Variants in C2CD5 observed in about 807,000 individuals in gnomAD.
The protein encoded by C2CD5 is C2 calcium dependent domain containing 5, also known as C2 domain-containing protein 5.
In C2CD5, 109 loss-of-function variants were observed where a neutral mutation model predicts 130.3. The ratio of observed to expected loss-of-function variants is 0.84; its 90% CI spans 0.72 to 0.98. The LOEUF is 0.98. Ranked by LOEUF, C2CD5 falls within the 50% of genes least tolerant of loss-of-function variation. The probability of loss-of-function intolerance (pLI) is 0.00; values close to 1 mark genes in which losing one functional copy is unlikely to be tolerated. For missense variants in C2CD5, 996 were observed against 1,261.8 expected, an observed-to-expected ratio of 0.79 and a Z score of 3.19; for synonymous variants, 454 against 429.2, an observed-to-expected ratio of 1.06 and a Z score of -0.71.
In C2CD5 at chr12:22,527,743, A is replaced by T; in HGVS notation, c.327T>A (p.Phe109Leu). ...SEAATVISGWFPIYDTIHGIR... is the reference protein window; with the variant it reads ...SEAATVISGWLPIYDTIHGIR... ...TACCATGTATGGTGTCATAAATTGG[A>T]AACCATCCTGAGATGACTGTTGCAG... The change falls in exon 4 of 27, where the codon TTT becomes TTA. Residue 109 changes from phenylalanine to leucine, a missense_variant. Physicochemically the swap from Phe to Leu is conservative, Grantham distance 22 (BLOSUM62 0). This residue lies in a region of C2CD5 where 68 missense variants were observed against 154.5 expected (regional missense o/e 0.44). Coordinates refer to ENST00000446597, the MANE Select transcript of C2CD5 (RefSeq NM_001286176.2). The T allele has an allele frequency of 6.3e-7, 1 of 1,582,482 alleles. No individual in the cohort carries two copies. Among genetic ancestry groups the T allele is most frequent in the Non-Finnish European group, 8.6e-7 (1 of 1,161,428 alleles).
At chr12:22,495,589 G>A (rs1013795482) in intron 10 of C2CD5, among the ~76,000 whole-genome samples, 3 of 151,224 alleles carry the variant, frequency 2.0e-5, no homozygotes, top group Admixed American at 6.6e-5. Flanking sequence ...TGAATGCAGC[G>A]CAAGTGGAGC....
rs564364000 is a variant in C2CD5, at chr12:22,525,342, G to C, written c.445+268C>G. ...GACAGCACCATAGTGCTTAGCCGTA[G>C]TGTTCTGCTCCTTTCTTTTAGTGTC... On this transcript the variant is annotated intron_variant, in intron 5 of 26. Coordinates refer to ENST00000446597, the MANE Select transcript of C2CD5 (RefSeq NM_001286176.2). Among the ~76,000 whole-genome samples, 8 of 152,228 alleles carry C rather than the reference G, an allele frequency of 5.3e-5. No individual in the cohort carries two copies. In the East Asian group the frequency reaches 1.3e-3, roughly 26 times the overall value.
chr12:22,527,733 CAT>C lies in C2CD5; in HGVS notation c.335_336del (p.Tyr112Ter), dbSNP rs755966041. On this transcript the variant is annotated frameshift_variant, in exon 4 of 27. Transcript: ENST00000446597. LOFTEE classifies it high-confidence loss of function. ...ATVISGWFPI[Y>X]DTIHGIRGEI... ...TATTATTCCTTACCATGTATGGTGT[CAT>C]AAATTGGAAACCATCCTGAGATGAC... The C allele has an allele frequency of 9.0e-6, 14 of 1,559,744 alleles. No homozygotes were observed. The highest frequency in any genetic ancestry group is 1.1e-5 in the Non-Finnish European group (13 of 1,142,558).
chr12:22,495,616 C>T (rs1359013568), intron 10 of C2CD5, among the ~76,000 whole-genome samples: 1 of 150,314 alleles, frequency 6.7e-6, no homozygotes, highest in Non-Finnish European at 1.5e-5. Context: ...ATTCTTCTGA[C>T]AAATTCACAA....
chr12:22,542,303 C>T (rs1412203125), intron 2 of C2CD5, among the ~76,000 whole-genome samples: 1 of 152,188 alleles, frequency 6.6e-6, no homozygotes. Flanking sequence ...TTTGGGAGGC[C>T]GAAGCGGGAG....
At chr12:22,494,477 A>T (rs1464054777) in intron 10 of C2CD5, among the ~76,000 whole-genome samples, 1 of 152,126 alleles carries the variant, frequency 6.6e-6, no homozygotes, top group Admixed American at 6.6e-5. Context: ...AAGTAAAGAA[A>T]GGTTAAGAGG....
At chr12:22,528,196 T>C (rs1038529635) in intron 3 of C2CD5, among the ~76,000 whole-genome samples, 4 of 152,188 alleles carry the variant, frequency 2.6e-5, no homozygotes, top group African/African-American at 7.2e-5. Context: ...TTGCCTATGA[T>C]ACATAGCAAA....
intron 10 of C2CD5, among the ~76,000 whole-genome samples, chr12:22,499,352 G>A (rs117160018): frequency 6.6e-6 from 1 of 152,286 alleles, no homozygotes; most frequent in East Asian, 1.9e-4. Context: ...TGAAGCCAGA[G>A]TACTCAGGTA....
chr12:22,509,774 A>G (rs1383726117), intron 9 of C2CD5, among the ~76,000 whole-genome samples: 1 of 152,234 alleles, frequency 6.6e-6, no homozygotes, highest in African/African-American at 2.4e-5. Context: ...TTTATATGAA[A>G]AACTGAAGTC....
intron 2 of C2CD5, among the ~76,000 whole-genome samples, chr12:22,541,941 ACACT>A (rs781780272): frequency 6.6e-6 from 1 of 152,210 alleles, no homozygotes; most frequent in Non-Finnish European, 1.5e-5. Context: ...CAAACGGCAG[ACACT>A]CAATTTGTTC....
In C2CD5 at chr12:22,544,181, T is replaced by C. The variant is rs1355314863; in HGVS notation, c.-29-2A>G. On this transcript the variant is annotated splice_acceptor_variant, in intron 1 of 26. Transcript: ENST00000446597. LOFTEE classifies it low-confidence loss of function (5UTR_SPLICE). ...CGGTTTCGGCCTCTTCTTGGGCTCCTGCAGAAACAAACAAACGAGTCTGCG... is the reference window on the plus strand; with the variant it reads ...CGGTTTCGGCCTCTTCTTGGGCTCCCGCAGAAACAAACAAACGAGTCTGCG... 4 of 1,605,012 alleles carry C rather than the reference T, an allele frequency of 2.5e-6. No homozygotes were observed. The highest frequency in any genetic ancestry group is 2.2e-5 in the East Asian group (1 of 44,772).
At chr12:22,541,965 A>C (rs985537824) in intron 2 of C2CD5, among the ~76,000 whole-genome samples, 5 of 152,208 alleles carry the variant, frequency 3.3e-5, no homozygotes, top group Non-Finnish European at 7.3e-5. Context: ...CAAAGAAGGA[A>C]GTAATAAGTA....
chr12:22,476,499 A>G (rs1354271564), intron 15 of C2CD5, among the ~76,000 whole-genome samples: 1 of 152,146 alleles, frequency 6.6e-6, no homozygotes, highest in Non-Finnish European at 1.5e-5. Flanking sequence ...TAAAATCATA[A>G]TAGATTTACT....
At chr12:22,532,330 CAA>C (rs200592425) in intron 3 of C2CD5, among the ~76,000 whole-genome samples, 5 of 131,446 alleles carry the variant, frequency 3.8e-5, no homozygotes, top group Admixed American at 7.7e-5. Context: ...AACTCCGTCT[CAA>C]AAAAAAAAAA....
At chr12:22,517,871 T>C (rs547785424) in intron 8 of C2CD5, 115 bp downstream of exon 8, 2 of 808,184 alleles carry the variant, frequency 2.5e-6, no homozygotes, top group South Asian at 3.7e-5. Flanking sequence ...GTATTCACAT[T>C]TTCTTTTTAA....
At chr12:22,460,609 G>A (rs777369733) in intron 22 of C2CD5, 4 of 151,568 alleles carry the variant, frequency 2.6e-5, no homozygotes, top group South Asian at 2.1e-4. Context: ...CGGAGTTTTC[G>A]TCTTGTTGCC....
At chr12:22,450,724 C>T (rs919066726) in intron 26 of C2CD5, among the ~76,000 whole-genome samples, 19 of 152,096 alleles carry the variant, frequency 1.2e-4, no homozygotes, top group African/African-American at 4.6e-4. Flanking sequence ...TACAGAGATG[C>T]TCACACTTGT....
chr12:22,489,880 A>G (rs1946111782), intron 12 of C2CD5, among the ~76,000 whole-genome samples: 1 of 152,184 alleles, frequency 6.6e-6, no homozygotes, highest in Admixed American at 6.6e-5. Context: ...AAATTCTTCA[A>G]CTGGTAATCA....
Position 22,544,407 on chromosome 12 carries a change from C to G in C2CD5, c.-117G>C, listed in dbSNP as rs1167930855. On this transcript the variant is annotated 5_prime_UTR_variant, in exon 1 of 27. Transcript: ENST00000446597. ...GGAGGAAGGGCTTTGATGGGTTCTTCCGTCCCGGCCCCACAAGGCTGGGAC... is the reference window on the plus strand; with the variant it reads ...GGAGGAAGGGCTTTGATGGGTTCTTGCGTCCCGGCCCCACAAGGCTGGGAC... 5.5e-6 allele frequency: 2 copies of G among 365,378 alleles called. No individual in the cohort carries two copies. Among genetic ancestry groups the G allele is most frequent in the Non-Finnish European group, 9.8e-6 (2 of 203,936 alleles). The allele number at this position is 365,378 out of a possible 1,614,324, so 22.6% of individuals were successfully genotyped here. A position where few individuals can be genotyped will look rare whatever the true frequency, so the allele number is the denominator to read the frequency against.
Sources: allele counts gnomAD v4.1 joint callset (sites outside exome capture counted in the v4.1 genomes callset), GRCh38; gene constraint gnomAD v4.1.1; regional missense constraint gnomAD v4.1.1; transcripts MANE v1.5; gene names NCBI Gene and HGNC (gene_info 2026-07-23, HGNC 2026-07-21).